CIT: variants seen among roughly 807,000 people sequenced by gnomAD.
CIT encodes citron Rho-interacting kinase.
In CIT, 79 loss-of-function variants were observed where a neutral mutation model predicts 272.7. The ratio of observed to expected loss-of-function variants is 0.29; its 90% confidence interval spans 0.24 to 0.35. CIT has a LOEUF of 0.35. Ranked by LOEUF, CIT falls within the 10% of genes least tolerant of loss-of-function variation. CIT has a pLI of 1.00. For missense variants in CIT, 1,909 were observed against 2,618.3 expected (o/e 0.73, Z 5.91); for synonymous variants, 948 against 995.6 (o/e 0.95, Z 0.90).
intron 7 of CIT, among the ~76,000 whole-genome samples, chr12:119,826,004 G>T (rs1968131209): frequency 6.6e-6 from 1 of 152,152 alleles, no homozygotes; most frequent in Non-Finnish European, 1.5e-5. Flanking sequence ...GGAGGCGGAG[G>T]TTGCAGTGAG....
rs1966455069 is a variant in CIT, at chr12:119,804,279, C to A, written c.1112-890G>T. 1.0e-6 allele frequency: 1 copy of A among 985,534 alleles called. No individual in the cohort carries two copies. Among genetic ancestry groups the A allele is most frequent in the African/African-American group, 1.7e-5 (1 of 57,374 alleles). The allele number at this position is 985,534 out of a possible 1,614,324, so 61.0% of individuals were successfully genotyped here. On this transcript the variant is annotated intron_variant, in intron 9 of 47. Transcript: ENST00000392521. The surrounding 1 kb of genome is among the most constrained non-coding windows in gnomAD (Gnocchi z 5.3). ...TCGTCCATCAGTCACCAGGAGGCTG[C>A]CCATCGCGGTGGGCTCCCGGGGGTG... is the stretch of plus-strand genomic sequence containing the variant.
At chr12:119,732,367 C>T (rs1431637534) in intron 26 of CIT, among the ~76,000 whole-genome samples, 1 of 151,984 alleles carries the variant, frequency 6.6e-6, no homozygotes, top group Non-Finnish European at 1.5e-5. Flanking sequence ...AAGCCAGATC[C>T]TACCCCAAAA....
In CIT at chr12:119,718,671, G is replaced by A. The variant is rs1419790596; in HGVS notation, c.4003+28C>T. Reference sequence around the variant, plus strand: ...AATCCTCTGCCTTTTCCACATCCTTGAGCATTTTGGAGAGAGTGAGCCCCT... The same window carrying A: ...AATCCTCTGCCTTTTCCACATCCTTAAGCATTTTGGAGAGAGTGAGCCCCT... On this transcript the variant is annotated intron_variant, in intron 31 of 47. Transcript: ENST00000392521. The surrounding 1 kb of genome is among the most constrained non-coding windows in gnomAD (Gnocchi z 4.8). 3 of 1,611,872 alleles carry A rather than the reference G, an allele frequency of 1.9e-6. No homozygotes were observed. The highest frequency in any genetic ancestry group is 1.7e-5 in the Admixed American group (1 of 59,988).
chr12:119,834,049 A>T lies in CIT; in HGVS notation c.659+37T>A, dbSNP rs568928606. 880 of 1,573,740 alleles carry T rather than the reference A, an allele frequency of 5.6e-4. 14 individuals carry two copies. In the South Asian group the frequency reaches 9.7e-3, roughly 17 times the overall value. ...AGGAACTCTTATGCGACACAGGAAA[A>T]TCCTCAGCATAAAAATGCTACCAGA... On this transcript the variant is annotated intron_variant, in intron 6 of 47. Transcript: ENST00000392521.
In CIT at chr12:119,724,331, C is replaced by T. The variant is rs569291608; in HGVS notation, c.3592-2882G>A. Among the ~76,000 whole-genome samples the T allele has an allele frequency of 1.5e-4, 23 of 152,244 alleles. No individual in the cohort carries two copies. In the South Asian group the frequency reaches 4.8e-3, roughly 32 times the overall value. The stretch of plus-strand genomic sequence containing the variant: ...ATTATTAATCAAGTAATCTATTAAT[C>T]AGTATTAATCTCCCATTTTGGTTGG... On this transcript the variant is annotated intron_variant, in intron 28 of 47. Transcript: ENST00000392521.
At chr12:119,847,816 A>G (rs551412035) in intron 5 of CIT, among the ~76,000 whole-genome samples, 1 of 152,130 alleles carries the variant, frequency 6.6e-6, no homozygotes, top group Non-Finnish European at 1.5e-5. Flanking sequence ...GCTTGAACCC[A>G]GGAGGTGGAG....
chr12:119,718,956 G>T lies in CIT; in HGVS notation c.3841-95C>A. 8.1e-7 allele frequency: 1 copy of T among 1,241,924 alleles called. No individual in the cohort carries two copies. The highest frequency in any genetic ancestry group is 1.2e-6 in the Non-Finnish European group (1 of 867,070). The allele number at this position is 1,241,924 out of a possible 1,614,324, so 76.9% of individuals were successfully genotyped here. A position where few individuals can be genotyped will look rare whatever the true frequency, so the allele number is the denominator to read the frequency against. On this transcript the variant is annotated intron_variant, in intron 30 of 47. Coordinates refer to ENST00000392521, the MANE Select transcript of CIT (RefSeq NM_001206999.2). This position sits in a 1 kb window ranked among gnomAD's most constrained non-coding sequence, Gnocchi z 4.8. Reference sequence around the variant, plus strand: ...GACTCGGGAGGAGCAAACCACAAAAGCCAGGAGCATACTCACTGTAAGTGT... The same window carrying T: ...GACTCGGGAGGAGCAAACCACAAAATCCAGGAGCATACTCACTGTAAGTGT...
At chr12:119,782,754 C>T (rs1014867161) in intron 12 of CIT, 117 bp from the exon 13 acceptor site, 20 of 1,262,664 alleles carry the variant, frequency 1.6e-5, no homozygotes, top group Non-Finnish European at 2.2e-5. Flanking sequence ...GAGTGACGGA[C>T]CACAGTTCAC....
chr12:119,731,813 AATATATAT>A (rs57327382), intron 26 of CIT, among the ~76,000 whole-genome samples: 73,945 of 139,038 alleles, frequency 0.53, 19,806 homozygotes, highest in Admixed American at 0.61. Flanking sequence ...TTCTCTCCTA[AATATATAT>A]ATATATATAT....
chr12:119,818,335 C>T (rs1342023860), intron 9 of CIT, among the ~76,000 whole-genome samples: 2 of 152,156 alleles, frequency 1.3e-5, no homozygotes, highest in South Asian at 2.1e-4. Context: ...CAAGGAGGTA[C>T]ATGGTGCTTA....
intron 15 of CIT, 79 bp from the exon 16 acceptor site, chr12:119,775,918 T>G: frequency 1.7e-6 from 2 of 1,146,196 alleles, no homozygotes; most frequent in East Asian, 2.4e-5. Context: ...AGTCCTATTC[T>G]CTTGAGGTTT....
intron 10 of CIT, among the ~76,000 whole-genome samples, chr12:119,795,248 G>A (rs1192340559): frequency 3.3e-5 from 5 of 152,142 alleles, no homozygotes; most frequent in East Asian, 3.9e-4. Flanking sequence ...TTAGCTGGGC[G>A]TGGTGGCAGG....
intron 22 of CIT, 117 bp from the exon 23 acceptor site, chr12:119,752,364 C>T (rs768393660): frequency 4.8e-5 from 43 of 890,240 alleles, no homozygotes; most frequent in Non-Finnish European, 6.8e-5. Flanking sequence ...TTGGAACCAC[C>T]TTCTCGGCAC....
intron 28 of CIT, among the ~76,000 whole-genome samples, chr12:119,724,444 T>C (rs1323237482): frequency 6.6e-6 from 1 of 152,192 alleles, no homozygotes; most frequent in Admixed American, 6.5e-5. Flanking sequence ...AAAATAAGAA[T>C]GTTCTAAGAA....
chr12:119,794,791 C>T (rs1442100947), intron 10 of CIT, among the ~76,000 whole-genome samples: 3 of 152,292 alleles, frequency 2.0e-5, no homozygotes, highest in Admixed American at 2.0e-4. Context: ...CACCCCATAC[C>T]CATCCTCGGA....
chr12:119,806,053 C>A (rs1323462390), intron 9 of CIT, among the ~76,000 whole-genome samples: 14 of 140,646 alleles, frequency 1.0e-4, no homozygotes, highest in African/African-American at 3.8e-4. Flanking sequence ...AAGAGAATCG[C>A]TTGAACCTGG....
chr12:119,750,164 A>G (rs778700971), intron 23 of CIT, among the ~76,000 whole-genome samples: 7 of 152,178 alleles, frequency 4.6e-5, no homozygotes, highest in African/African-American at 7.2e-5. Flanking sequence ...GGAGGAAAAT[A>G]TTAATATACA....
At chr12:119,744,245 T>C (rs1417137527) in intron 23 of CIT, among the ~76,000 whole-genome samples, 2 of 151,972 alleles carry the variant, frequency 1.3e-5, no homozygotes, top group Non-Finnish European at 2.9e-5. Context: ...TACTGATAGA[T>C]GTGTGGCCAA....
At chr12:119,739,602 C>CTT (rs371369865) in intron 24 of CIT, among the ~76,000 whole-genome samples, 52 of 152,244 alleles carry the variant, frequency 3.4e-4, no homozygotes, top group Non-Finnish European at 6.5e-4. Flanking sequence ...GGTATTCAAA[C>CTT]TTTTTAAAGT....
Sources: gnomAD v4.1 joint callset for allele counts (sites outside exome capture counted in the v4.1 genomes callset) on GRCh38, gnomAD v4.1.1 for gene constraint, Gnocchi (gnomAD v3.1) non-coding constraint, MANE v1.5 for transcripts, NCBI Gene and HGNC (gene_info 2026-07-23, HGNC 2026-07-21) for gene names.